The following ERBB4 variants were observed in gnomAD, a reference collection of about 807,000 sequenced individuals.
The protein encoded by ERBB4 is erb-b2 receptor tyrosine kinase 4.
Under a neutral mutation model 158.0 loss-of-function variants are expected in ERBB4, and 42 were observed. The ratio of observed to expected loss-of-function variants is 0.27; its 90% CI spans 0.21 to 0.34. The LOEUF is 0.34. ERBB4 is among the 10% of genes least tolerant of loss of function. ERBB4 has a pLI of 1.00. For synonymous variants in ERBB4, 583 were observed against 558.7 expected (o/e 1.04, Z -0.61); for missense variants, 1,333 against 1,624.1 (o/e 0.82, Z 3.08).
intron 3 of ERBB4, among the ~76,000 whole-genome samples, chr2:211,839,825 C>G (rs1282592141): frequency 6.6e-6 from 1 of 152,002 alleles, no homozygotes; most frequent in African/African-American, 2.4e-5. Flanking sequence ...GGTGAGTGTG[C>G]ACTCCTATGT....
At chr2:211,603,261 G>A (rs2068859089) in intron 19 of ERBB4, among the ~76,000 whole-genome samples, 1 of 151,876 alleles carries the variant, frequency 6.6e-6, no homozygotes, top group Non-Finnish European at 1.5e-5. Context: ...AAGGATTAAA[G>A]GATTTCTCCC....
chr2:212,263,582 A>T (rs902850746), intron 1 of ERBB4, among the ~76,000 whole-genome samples: 1 of 152,112 alleles, frequency 6.6e-6, no homozygotes, highest in Non-Finnish European at 1.5e-5. Context: ...AAAATAAATG[A>T]TCCTTCATTT....
chr2:212,451,699 C>T (rs1248577736), intron 1 of ERBB4, among the ~76,000 whole-genome samples: 1 of 152,194 alleles, frequency 6.6e-6, no homozygotes, highest in Non-Finnish European at 1.5e-5. Flanking sequence ...TAAAACTTCA[C>T]CACTTCAAAT....
In ERBB4 at chr2:212,530,457, A is replaced by T. The variant is rs1692692340; in HGVS notation, c.82+7992T>A. On this transcript the variant is annotated intron_variant, in intron 1 of 27. Coordinates refer to ENST00000342788, the MANE Select transcript of ERBB4 (RefSeq NM_005235.3). ...ACAGAGAAGGACAGGAAATAATGAC[A>T]AAGATTTCAGTAAGAGTTTGCCTAG... Among the ~76,000 whole-genome samples, 3 of 152,190 alleles carry T rather than the reference A, an allele frequency of 2.0e-5. No individual in the cohort carries two copies. The South Asian group carries it at 6.2e-4, about 31-fold the overall frequency.
At chr2:212,211,706 C>T (rs12619422) in intron 1 of ERBB4, among the ~76,000 whole-genome samples, 84,000 of 151,146 alleles carry the variant, frequency 0.56, 23,578 homozygotes, top group East Asian at 0.77. Context: ...CCTATTGACC[C>T]ATCCTCTAAG....
chr2:211,553,340 G>A lies in ERBB4; in HGVS notation c.2487+8563C>T, dbSNP rs937937123. On this transcript the variant is annotated intron_variant, in intron 20 of 27. Coordinates refer to ENST00000342788, the MANE Select transcript of ERBB4 (RefSeq NM_005235.3). The stretch of plus-strand genomic sequence containing the variant: ...ACAAGCATCCTAGGAACCTGTGTAG[G>A]AAAGCATATGTGGATGAGAGACTCA... Among the ~76,000 whole-genome samples the A allele has an allele frequency of 7.0e-4, 107 of 152,082 alleles. 3 individuals are homozygous for A. The highest frequency in any genetic ancestry group is 5.9e-4 in the Admixed American group (9 of 15,268).
chr2:212,144,766 T>C (rs886349922), intron 1 of ERBB4, among the ~76,000 whole-genome samples: 1 of 152,196 alleles, frequency 6.6e-6, no homozygotes, highest in African/African-American at 2.4e-5. Context: ...GATGTAGTTC[T>C]TCTATCGCAT....
intron 6 of ERBB4, among the ~76,000 whole-genome samples, chr2:211,724,665 A>G (rs1165816394): frequency 6.6e-6 from 1 of 152,140 alleles, no homozygotes; most frequent in East Asian, 1.9e-4. Context: ...AAACTAGAAA[A>G]TACTGAAACT....
chr2:211,617,760 T>G (rs576054045), intron 19 of ERBB4, among the ~76,000 whole-genome samples: 1 of 152,156 alleles, frequency 6.6e-6, no homozygotes, highest in Admixed American at 6.6e-5. Context: ...CAAGAGAAAC[T>G]GGATAGAGAT....
At chr2:212,222,725 T>A (rs539867864) in intron 1 of ERBB4, among the ~76,000 whole-genome samples, 3 of 151,618 alleles carry the variant, frequency 2.0e-5, no homozygotes, top group Admixed American at 6.6e-5. Flanking sequence ...TCCTCTTTAA[T>A]AAAACTGCAG....
chr2:211,838,243 A>G (rs888946725), intron 3 of ERBB4, among the ~76,000 whole-genome samples: 1 of 152,020 alleles, frequency 6.6e-6, no homozygotes, highest in African/African-American at 2.4e-5. Context: ...AGTGTGTGTC[A>G]GCGGGGTGGG....
chr2:212,107,927 G>T (rs2079281335), intron 2 of ERBB4, among the ~76,000 whole-genome samples: 1 of 152,114 alleles, frequency 6.6e-6, no homozygotes, highest in Admixed American at 6.6e-5. Flanking sequence ...CAGCCACGTG[G>T]AACTGTGAAT....
chr2:211,513,437 G>A (rs886732683), intron 20 of ERBB4, among the ~76,000 whole-genome samples: 4 of 150,678 alleles, frequency 2.7e-5, no homozygotes, highest in African/African-American at 9.8e-5. Flanking sequence ...TTTTTTCACG[G>A]GAAGTATTTG....
At chr2:212,249,151 T>G (rs1427931713) in intron 1 of ERBB4, among the ~76,000 whole-genome samples, 1 of 152,232 alleles carries the variant, frequency 6.6e-6, no homozygotes, top group East Asian at 1.9e-4. Context: ...CGATGAAGCA[T>G]AGTAATTAGG....
rs1423325504 is a variant in ERBB4 at position 211,431,076 on chromosome 2, G to A, written c.2512C>T (p.Arg838Ter). Residue 838 changes from arginine (R) to a stop codon, truncating the protein, a stop_gained, in exon 21 of 28, where the codon CGA (arginine) becomes TGA (stop). Coordinates refer to ENST00000342788, the MANE Select transcript of ERBB4 (RefSeq NM_005235.3). LOFTEE classifies it high-confidence loss of function. ...GCTGCCAAATCCCGATGAACGAGTC[G>A]TCTTTCTTCCAGGTACATCATTCCC... ...AKGMMYLEERRLVHRDLAARN... is the reference protein window; with the variant it reads ...AKGMMYLEER 4 of 1,613,656 alleles carry A rather than the reference G, an allele frequency of 2.5e-6. No homozygotes were observed. The highest frequency in any genetic ancestry group is 3.4e-6 in the Non-Finnish European group (4 of 1,179,746).
chr2:211,411,144 T>A (rs1352817565), intron 25 of ERBB4, among the ~76,000 whole-genome samples: 2 of 152,178 alleles, frequency 1.3e-5, no homozygotes, highest in African/African-American at 4.8e-5. Flanking sequence ...CCTGACCTCA[T>A]GATCCACCCA....
chr2:211,909,725 G>C, intron 3 of ERBB4, among the ~76,000 whole-genome samples: 1 of 151,624 alleles, frequency 6.6e-6, no homozygotes, highest in East Asian at 2.0e-4. Context: ...GTTGTTAGGT[G>C]GCACATGACT....
chr2:212,271,138 TA>T (rs2085328700), intron 1 of ERBB4, among the ~76,000 whole-genome samples: 1 of 151,830 alleles, frequency 6.6e-6, no homozygotes, highest in African/African-American at 2.4e-5. Context: ...TTTACTTATC[TA>T]ATGCCTTTTG....
At chr2:212,273,296 T>C (rs1054875204) in intron 1 of ERBB4, among the ~76,000 whole-genome samples, 1 of 151,798 alleles carries the variant, frequency 6.6e-6, no homozygotes. Context: ...AAATCATACA[T>C]AATTTCACAG....
Sources: allele counts gnomAD v4.1 joint callset (sites outside exome capture counted in the v4.1 genomes callset), GRCh38; gene constraint gnomAD v4.1.1; transcripts MANE v1.5; gene names NCBI Gene and HGNC (gene_info 2026-07-23, HGNC 2026-07-21).